The following FSTL5 variants were observed in gnomAD, a reference collection of about 807,000 sequenced individuals.
FSTL5 encodes follistatin like 5, also known as follistatin-related protein 5.
Under a neutral mutation model 89.1 loss-of-function variants are expected in FSTL5, and 62 were observed. The observed-to-expected ratio is 0.70, with a 90% CI of 0.57 to 0.86. The LOEUF (loss-of-function observed/expected upper bound fraction) is 0.86. FSTL5 is among the 40% of genes least tolerant of loss of function. The pLI is 0.00. For missense variants in FSTL5, 1,057 were observed against 1,001.6 expected (o/e 1.06, Z -0.75); for synonymous variants, 383 against 346.2 (o/e 1.11, Z -1.18).
intron 8 of FSTL5, among the ~76,000 whole-genome samples, chr4:161,557,145 T>C (rs1232213747): frequency 2.6e-5 from 4 of 151,418 alleles, no homozygotes; most frequent in Admixed American, 6.6e-5. Context: ...TTGAGTATCA[T>C]CACTTTATAC....
chr4:161,743,831 G>A lies in FSTL5; in HGVS notation c.727+15580C>T, dbSNP rs17041433. Among the ~76,000 whole-genome samples, 227 of 152,278 alleles carry A rather than the reference G, an allele frequency of 1.5e-3. 2 individuals carry two copies. Among genetic ancestry groups the A allele is most frequent in the African/African-American group, 4.9e-3 (203 of 41,570 alleles). On this transcript the variant is annotated intron_variant, in intron 6 of 15. Coordinates refer to ENST00000306100, the MANE Select transcript of FSTL5 (RefSeq NM_020116.5). ...CAGATCATTTTAAGCTGAGAGATGAGTATAATAAGCTTCACAAGTTTTCAA... is the reference window on the plus strand; with the variant it reads ...CAGATCATTTTAAGCTGAGAGATGAATATAATAAGCTTCACAAGTTTTCAA...
rs529912145 is a variant in FSTL5, at chr4:162,053,588, T to C, written c.127-19930A>G. Among the ~76,000 whole-genome samples the C allele has an allele frequency of 3.3e-5, 5 of 151,776 alleles. No homozygotes were observed. The East Asian group carries it at 9.7e-4, about 29-fold the overall frequency. ...TTTCAAACATTGAAATTCCTGAATATAGAATATAAATTGATAAGATGAAAA... is the reference window on the plus strand; with the variant it reads ...TTTCAAACATTGAAATTCCTGAATACAGAATATAAATTGATAAGATGAAAA... On this transcript the variant is annotated intron_variant, in intron 2 of 15. Coordinates refer to ENST00000306100, the MANE Select transcript of FSTL5 (RefSeq NM_020116.5).
chr4:162,035,106 C>T (rs1443233451), intron 2 of FSTL5: 1 of 152,090 alleles, frequency 6.6e-6, no homozygotes, highest in Admixed American at 6.6e-5. Context: ...ATCTCTCTCT[C>T]CCTCCCTCTC....
chr4:161,748,604 AC>A (rs1226587276), intron 6 of FSTL5, among the ~76,000 whole-genome samples: 172 of 123,314 alleles, frequency 1.4e-3, no homozygotes, highest in African/African-American at 4.5e-3. Context: ...AAGGGGAAGC[AC>A]GTTTTTTTTT....
chr4:161,782,643 G>T (rs1467284529), intron 4 of FSTL5, among the ~76,000 whole-genome samples: 1 of 152,116 alleles, frequency 6.6e-6, no homozygotes, highest in African/African-American at 2.4e-5. Context: ...TGATTGACAT[G>T]CTTACTGATT....
At chr4:161,476,173 G>GTTTTTGTTTTTT (rs1734130974) in intron 13 of FSTL5, among the ~76,000 whole-genome samples, 1 of 80,492 alleles carries the variant, frequency 1.2e-5, no homozygotes, top group Non-Finnish European at 2.1e-5. Context: ...AAGTTTGCTG[G>GTTTTTGTTTTTT]TTTTTTTTTT....
At chr4:162,071,465 A>G (rs903439876) in intron 2 of FSTL5, among the ~76,000 whole-genome samples, 6 of 151,866 alleles carry the variant, frequency 4.0e-5, no homozygotes, top group African/African-American at 9.6e-5. Context: ...ATATATATGC[A>G]CTCAATACCA....
chr4:161,466,753 C>A (rs549721105), intron 13 of FSTL5, among the ~76,000 whole-genome samples: 1 of 151,970 alleles, frequency 6.6e-6, no homozygotes. Context: ...TAAAGGAACA[C>A]CAAGTTTATA....
intron 15 of FSTL5, among the ~76,000 whole-genome samples, chr4:161,390,991 A>G (rs1730804319): frequency 6.6e-6 from 1 of 152,258 alleles, no homozygotes; most frequent in Non-Finnish European, 1.5e-5. Context: ...CTCAGATTTC[A>G]AAACAAGCCT....
rs1400898645 is a variant in FSTL5 at position 161,384,084 on chromosome 4, A to G, written c.*1663T>C. 1 of 152,182 alleles carries G rather than the reference A, an allele frequency of 6.6e-6. No individual in the cohort carries two copies. The highest frequency in any genetic ancestry group is 2.4e-5 in the African/African-American group (1 of 41,444). 9.4% of individuals were successfully genotyped at this position (152,182 alleles called of 1,614,324 possible). The stretch of plus-strand genomic sequence containing the variant: ...AAAAAGTAAAGCAGATTCAATAAGT[A>G]GAAACATAAGCTGATTTTTGTTGTT... On this transcript the variant is annotated 3_prime_UTR_variant, in exon 16 of 16. Coordinates refer to ENST00000306100, the MANE Select transcript of FSTL5 (RefSeq NM_020116.5).
chr4:161,880,736 A>T (rs1732600972), intron 4 of FSTL5, among the ~76,000 whole-genome samples: 1 of 152,158 alleles, frequency 6.6e-6, no homozygotes, highest in Admixed American at 6.6e-5. Flanking sequence ...TTATTGGTAG[A>T]CACACACTGT....
intron 3 of FSTL5, among the ~76,000 whole-genome samples, chr4:162,017,993 C>T (rs1736965496): frequency 6.6e-6 from 1 of 152,118 alleles, no homozygotes; most frequent in South Asian, 2.1e-4. Flanking sequence ...CTGACTTTGT[C>T]TGTTCCCCTC....
chr4:161,840,018 C>A (rs193022980), intron 4 of FSTL5, among the ~76,000 whole-genome samples: 1 of 152,080 alleles, frequency 6.6e-6, no homozygotes, highest in Non-Finnish European at 1.5e-5. Flanking sequence ...AATATACTTA[C>A]AGGAAAAGTA....
chr4:161,431,525 A>G (rs1188368333), intron 15 of FSTL5, among the ~76,000 whole-genome samples: 3 of 152,086 alleles, frequency 2.0e-5, no homozygotes, highest in Non-Finnish European at 2.9e-5. Context: ...CCTTCACTTA[A>G]AAGAAGACAG....
chr4:161,584,279 G>A (rs780989943), intron 8 of FSTL5, among the ~76,000 whole-genome samples: 6 of 152,096 alleles, frequency 3.9e-5, no homozygotes, highest in Admixed American at 1.3e-4. Context: ...CAAAAAGGAC[G>A]TCCTCATGCT....
chr4:161,956,227 A>C (rs916579377), intron 3 of FSTL5, among the ~76,000 whole-genome samples: 2 of 151,932 alleles, frequency 1.3e-5, no homozygotes, highest in Admixed American at 1.3e-4. Flanking sequence ...TGAATTTCAA[A>C]AGTAAACAGA....
chr4:161,758,663 G>A (rs1216918878), intron 6 of FSTL5, among the ~76,000 whole-genome samples: 1 of 152,060 alleles, frequency 6.6e-6, no homozygotes, highest in Non-Finnish European at 1.5e-5. Context: ...GATTACAGGC[G>A]CGCAGCACCA....
At chr4:161,449,828 A>G (rs1210827120) in intron 15 of FSTL5, among the ~76,000 whole-genome samples, 1 of 152,190 alleles carries the variant, frequency 6.6e-6, no homozygotes, top group Non-Finnish European at 1.5e-5. Flanking sequence ...TTATAACACC[A>G]AATAACCCAA....
At chr4:161,660,405 G>A (rs548065580) in intron 6 of FSTL5, among the ~76,000 whole-genome samples, 1 of 152,176 alleles carries the variant, frequency 6.6e-6, no homozygotes. Context: ...TATTTATGAG[G>A]CATTGATTTC....
Sources: allele counts gnomAD v4.1 joint callset (sites outside exome capture counted in the v4.1 genomes callset), GRCh38; gene constraint gnomAD v4.1.1; transcripts MANE v1.5; gene names NCBI Gene and HGNC (gene_info 2026-07-23, HGNC 2026-07-21).